The following GFRA2 variants were observed in gnomAD, a reference collection of about 807,000 sequenced individuals.
GFRA2 encodes the protein GDNF family receptor alpha 2, also known as GDNF family receptor alpha-2.
GFRA2 carries 17 observed loss-of-function variants against 48.3 expected under a neutral mutation model. That is an observed-to-expected ratio of 0.35 (90% CI 0.24 to 0.53). The LOEUF (loss-of-function observed/expected upper bound fraction) is 0.53. GFRA2 is among the 20% of genes least tolerant of loss of function. GFRA2 has a pLI of 0.93. For missense variants in GFRA2, 660 were observed against 637.3 expected, an observed-to-expected ratio of 1.04 and a Z score of -0.38; for synonymous variants, 305 against 257.2, an observed-to-expected ratio of 1.19 and a Z score of -1.78.
chr8:21,695,147 T>C (rs1057333180), intron 7 of GFRA2, among the ~76,000 whole-genome samples: 10 of 152,192 alleles, frequency 6.6e-5, no homozygotes, highest in Admixed American at 2.0e-4. Flanking sequence ...CTGGGAACAC[T>C]GTGGGCAAGG....
rs186058923 is a variant in GFRA2, at chr8:21,763,569, C to T, written c.439+11403G>A. On this transcript the variant is annotated intron_variant, in intron 3 of 8. Coordinates refer to ENST00000524240, the MANE Select transcript of GFRA2 (RefSeq NM_001495.5). ...AGTGATCTCCTCCTACCCTTAGCTC[C>T]CCACTGCCGTAGTCATATCCTTGAC... Among the ~76,000 whole-genome samples, 170 of 152,220 alleles carry T rather than the reference C, an allele frequency of 1.1e-3. 1 individual carries two copies. The Middle Eastern group carries it at 0.031, about 27-fold the overall frequency.
chr8:21,697,191 G>C (rs1466197904), intron 7 of GFRA2, among the ~76,000 whole-genome samples: 2 of 59,524 alleles, frequency 3.4e-5, no homozygotes, highest in South Asian at 1.3e-3. Flanking sequence ...AGGAGAGGGA[G>C]AGGGGACAAA....
At chr8:21,764,591 G>A (rs1422012028) in intron 3 of GFRA2, among the ~76,000 whole-genome samples, 1 of 152,200 alleles carries the variant, frequency 6.6e-6, no homozygotes, top group Non-Finnish European at 1.5e-5. Context: ...CCTTCTCTCT[G>A]TTAGAAGGAC....
upstream of GFRA2, among the ~76,000 whole-genome samples, chr8:21,790,794 A>C (rs1807556382): frequency 3.9e-5 from 6 of 152,206 alleles, no homozygotes. Flanking sequence ...CTAGGAAGTG[A>C]CTTCGCATCT....
chr8:21,767,230 A>C (rs1246018828), intron 3 of GFRA2, among the ~76,000 whole-genome samples: 1 of 148,320 alleles, frequency 6.7e-6, no homozygotes, highest in Admixed American at 6.7e-5. Flanking sequence ...ACACACACAC[A>C]CCACCTCACA....
At chr8:21,716,308 G>GT (rs576665215) in intron 4 of GFRA2, among the ~76,000 whole-genome samples, 1 of 144,116 alleles carries the variant, frequency 6.9e-6, no homozygotes, top group South Asian at 2.2e-4. Context: ...GGGAAACAAA[G>GT]AAAAAAAAAA....
At chr8:21,794,605 C>G (rs1055629773) in intron 2 of GFRA2, among the ~76,000 whole-genome samples, 1 of 152,178 alleles carries the variant, frequency 6.6e-6, no homozygotes, top group Non-Finnish European at 1.5e-5. Flanking sequence ...TGGACCTTGT[C>G]TGGCATAAGC....
chr8:21,772,123 G>A (rs1806465815), intron 3 of GFRA2, among the ~76,000 whole-genome samples: 1 of 152,092 alleles, frequency 6.6e-6, no homozygotes, highest in African/African-American at 2.4e-5. Context: ...ACAAAGGTTG[G>A]GAAGCACTGC....
At chr8:21,695,875 T>C (rs954566346) in intron 7 of GFRA2, among the ~76,000 whole-genome samples, 1 of 152,130 alleles carries the variant, frequency 6.6e-6, no homozygotes, top group Non-Finnish European at 1.5e-5. Flanking sequence ...TGACATCCTA[T>C]GGCTTGTTGG....
intron 4 of GFRA2, among the ~76,000 whole-genome samples, chr8:21,736,907 TGAGGGGAGGGGAGGGGAGGG>T (rs1302505061): frequency 3.4e-5 from 1 of 29,810 alleles, no homozygotes; most frequent in Non-Finnish European, 6.5e-5. Flanking sequence ...AAGGAAGAAA[TGAGGGGAGGGGAGGGGAGGG>T]GAGGAGAGGG....
At chr8:21,782,925 C>A in intron 1 of GFRA2, 26 bp from the exon 2 acceptor site, 1 of 1,531,778 alleles carries the variant, frequency 6.5e-7, no homozygotes, top group Non-Finnish European at 8.8e-7. Flanking sequence ...GGAAGACAAG[C>A]ATGAATGACG....
intron 2 of GFRA2, among the ~76,000 whole-genome samples, chr8:21,801,469 G>A (rs1329622782): frequency 2.0e-4 from 31 of 152,206 alleles, no homozygotes; most frequent in African/African-American, 3.9e-4. Context: ...GACAGGCACC[G>A]TTATGGGCCC....
At position 21,782,550 on chromosome 8, in the gene GFRA2, C is replaced by T. The variant is rs1012606815; in HGVS notation, c.355+35G>A. On this transcript the variant is annotated intron_variant, in intron 2 of 8. Transcript: ENST00000524240. ...ACACGTCCTCTCTGCCTGCGCCACACCCCCTCCCCTTGGGCAAGCCCCGCC... is the reference window on the plus strand; with the variant it reads ...ACACGTCCTCTCTGCCTGCGCCACATCCCCTCCCCTTGGGCAAGCCCCGCC... 89 of 1,494,712 alleles carry T rather than the reference C, an allele frequency of 6.0e-5. No homozygotes were observed. In the Middle Eastern group the frequency reaches 1.7e-3, roughly 28 times the overall value. 92.6% of individuals were successfully genotyped at this position (1,494,712 alleles called of 1,614,324 possible).
At chr8:21,770,200 C>T (rs1806377337) in intron 3 of GFRA2, among the ~76,000 whole-genome samples, 1 of 152,174 alleles carries the variant, frequency 6.6e-6, no homozygotes, top group African/African-American at 2.4e-5. Context: ...AAGGTGGCCT[C>T]GAATCAGCAA....
At chr8:21,783,771 C>T (rs963825973) in intron 1 of GFRA2, among the ~76,000 whole-genome samples, 8 of 151,872 alleles carry the variant, frequency 5.3e-5, no homozygotes, top group Non-Finnish European at 1.2e-4. Context: ...ATGCCCCCCG[C>T]GCCCCCTGCT....
intron 4 of GFRA2, among the ~76,000 whole-genome samples, chr8:21,718,011 AG>A (rs1188300015): frequency 2.6e-5 from 4 of 152,174 alleles, no homozygotes; most frequent in Admixed American, 6.5e-5. Context: ...TGTGATCTTG[AG>A]CAGGTAATTA....
At chr8:21,788,069 C>CAGGTA in intron 1 of GFRA2, 51 bp downstream of exon 1, 1 of 1,069,874 alleles carries the variant, frequency 9.3e-7, no homozygotes, top group Non-Finnish European at 1.4e-6. Context: ...TCGCCCCCCG[C>CAGGTA]CTCCCCGGCT....
At position 21,750,082 on chromosome 8, in the gene GFRA2, T is replaced by C. The variant is rs753623842; in HGVS notation, c.794+506A>G. Among the ~76,000 whole-genome samples, 2 of 118,278 alleles carry C rather than the reference T, an allele frequency of 1.7e-5. No individual in the cohort carries two copies. Among genetic ancestry groups the C allele is most frequent in the Admixed American group, 7.6e-5 (1 of 13,150 alleles). 77.6% of individuals were successfully genotyped at this position (118,278 alleles called of 152,430 possible). A position where few individuals can be genotyped will look rare whatever the true frequency, so the allele number is the denominator to read the frequency against. On this transcript the variant is annotated intron_variant, in intron 4 of 8. Transcript: ENST00000524240. The surrounding 1 kb of genome is among the most constrained non-coding windows in gnomAD (Gnocchi z 5.7). Reference sequence around the variant, plus strand: ...ATATATGTGTATATATGTGTGTGTGTGTGTATACACACACACACACACACA... The same window carrying C: ...ATATATGTGTATATATGTGTGTGTGCGTGTATACACACACACACACACACA...
chr8:21,728,004 G>A (rs956695806), intron 4 of GFRA2, among the ~76,000 whole-genome samples: 11 of 152,212 alleles, frequency 7.2e-5, no homozygotes, highest in African/African-American at 2.4e-4. Context: ...AGGCAGGGGC[G>A]ACGTCAGAAA....
Sources: gnomAD v4.1 joint callset for allele counts (sites outside exome capture counted in the v4.1 genomes callset) on GRCh38, gnomAD v4.1.1 for gene constraint, Gnocchi (gnomAD v3.1) non-coding constraint, MANE v1.5 for transcripts, NCBI Gene and HGNC (gene_info 2026-07-23, HGNC 2026-07-21) for gene names.